Variants in SIM1 observed in about 807,000 individuals in gnomAD.
The protein encoded by SIM1 is single-minded homolog 1.
Under a neutral mutation model 78.2 loss-of-function variants are expected in SIM1, and 18 were observed. That is an observed-to-expected ratio of 0.23 (90% CI 0.16 to 0.34). The LOEUF (loss-of-function observed/expected upper bound fraction) is 0.34, where lower values mean the gene tolerates loss of function less well. Ranked by LOEUF, SIM1 falls within the 10% of genes least tolerant of loss-of-function variation. SIM1 has a pLI of 1.00. For synonymous variants in SIM1, 417 were observed against 385.2 expected, an observed-to-expected ratio of 1.08 and a Z score of -0.97; for missense variants, 939 against 975.1, an observed-to-expected ratio of 0.96 and a Z score of 0.49.
At chr6:100,391,285 C>A (rs1263148480) in intron 11 of SIM1, among the ~76,000 whole-genome samples, 194 bp from the exon 12 acceptor site, 5 of 152,180 alleles carry the variant, frequency 3.3e-5, no homozygotes, top group African/African-American at 1.2e-4. Context: ...GTACTGGATT[C>A]ATATAAAATC....
chr6:100,464,736 C>G lies in SIM1; in HGVS notation c.-590G>C, dbSNP rs997641703. ...TTCCCACCGGCAGAGAGGAGCAGAG[C>G]ATTCCCGGCTCCCTTTTCTGGATCA... On this transcript the variant is annotated 5_prime_UTR_variant, in exon 1 of 12. An upstream start codon of the reference 5' UTR is lost. Coordinates refer to ENST00000369208, the MANE Select transcript of SIM1 (RefSeq NM_005068.3). 6.6e-6 allele frequency: 1 copy of G among 152,388 alleles called. No homozygotes were observed. The highest frequency in any genetic ancestry group is 2.4e-5 in the African/African-American group (1 of 41,468). The allele number at this position is 152,388 out of a possible 1,614,324, so 9.4% of individuals were successfully genotyped here. A position where few individuals can be genotyped will look rare whatever the true frequency, so the allele number is the denominator to read the frequency against.
At position 100,412,638 on chromosome 6, in the gene SIM1, AAAGAAAGAAAGAAAGAAAG is replaced by A. The variant is rs1562239798; in HGVS notation, c.1167+8133_1167+8151del. On this transcript the variant is annotated intron_variant, in intron 10 of 11. Coordinates refer to ENST00000369208, the MANE Select transcript of SIM1 (RefSeq NM_005068.3). The stretch of plus-strand genomic sequence containing the variant: ...AAAGAAAGAAGGAAAGAAAGAAAGA[AAAGAAAGAAAGAAAGAAAG>A]AGAGAGAGAGAGAGAGAAAGAAAGA... Among the ~76,000 whole-genome samples, 37 of 91,322 alleles carry A rather than the reference AAAGAAAGAAAGAAAGAAAG, an allele frequency of 4.1e-4. 1 individual carries two copies. Among genetic ancestry groups the A allele is most frequent in the African/African-American group, 1.5e-3 (35 of 23,876 alleles). The allele number at this position is 91,322 out of a possible 152,430, so 59.9% of individuals were successfully genotyped here.
At chr6:100,456,592 G>A (rs868756372) in intron 2 of SIM1, among the ~76,000 whole-genome samples, 4 of 152,186 alleles carry the variant, frequency 2.6e-5, no homozygotes, top group Middle Eastern at 3.2e-3. Context: ...TAAAGTGGCC[G>A]AAGACAAAGG....
intron 2 of SIM1, 195 bp downstream of exon 2, chr6:100,463,099 T>G: frequency 1.9e-6 from 1 of 524,510 alleles, no homozygotes; most frequent in South Asian, 3.2e-5. Flanking sequence ...GATGGGGAGG[T>G]AGAGGGAGCC....
chr6:100,415,999 T>C (rs1028135950), intron 10 of SIM1, among the ~76,000 whole-genome samples: 1 of 152,168 alleles, frequency 6.6e-6, no homozygotes, highest in African/African-American at 2.4e-5. Context: ...CTCAGGAGGA[T>C]GCCTGCAGCT....
chr6:100,412,741 AAG>A (rs1491415812), intron 10 of SIM1, among the ~76,000 whole-genome samples: 6 of 143,788 alleles, frequency 4.2e-5, no homozygotes, highest in Non-Finnish European at 6.1e-5. Flanking sequence ...GAAAGAAAGA[AAG>A]AAAGAAAGAA....
At chr6:100,426,474 G>A (rs181494074) in intron 9 of SIM1, among the ~76,000 whole-genome samples, 38 of 152,250 alleles carry the variant, frequency 2.5e-4, no homozygotes, top group Non-Finnish European at 3.5e-4. Flanking sequence ...CCAACATGCC[G>A]CATGGGAAGC....
At chr6:100,421,538 T>G (rs1245536655) in intron 9 of SIM1, among the ~76,000 whole-genome samples, 4 of 152,200 alleles carry the variant, frequency 2.6e-5, no homozygotes, top group African/African-American at 7.2e-5. Context: ...CACCAGACTT[T>G]GTGCTACAAT....
At chr6:100,394,086 C>T in intron 10 of SIM1, 197 bp from the exon 11 acceptor site, 1 of 489,414 alleles carries the variant, frequency 2.0e-6, no homozygotes, top group Non-Finnish European at 3.5e-6. Context: ...CATTATGATG[C>T]TTCCAAAGAA....
intron 10 of SIM1, among the ~76,000 whole-genome samples, chr6:100,414,182 G>T (rs760245075): frequency 2.5e-4 from 38 of 152,212 alleles, no homozygotes; most frequent in Middle Eastern, 3.2e-3. Flanking sequence ...GAAGCCAACA[G>T]TCCCTGGACA....
intron 9 of SIM1, among the ~76,000 whole-genome samples, chr6:100,439,980 G>A (rs1252453239): frequency 1.3e-5 from 2 of 152,164 alleles, no homozygotes; most frequent in Non-Finnish European, 2.9e-5. Context: ...TGTGTTAAGG[G>A]ATAGGGGAGG....
intron 9 of SIM1, among the ~76,000 whole-genome samples, chr6:100,444,950 T>C (rs1029905276): frequency 8.5e-5 from 13 of 152,156 alleles, no homozygotes; most frequent in African/African-American, 3.1e-4. Flanking sequence ...TGTCAAACTA[T>C]TTGGGAGCTT....
At chr6:100,451,526 ATTTG>A (rs1772513074) in intron 3 of SIM1, among the ~76,000 whole-genome samples, 1 of 152,172 alleles carries the variant, frequency 6.6e-6, no homozygotes, top group South Asian at 2.1e-4. Context: ...TAGATGTGGC[ATTTG>A]TTTAATTTTA....
At chr6:100,459,519 C>G (rs1772780068) in intron 2 of SIM1, among the ~76,000 whole-genome samples, 1 of 152,166 alleles carries the variant, frequency 6.6e-6, no homozygotes, top group Non-Finnish European at 1.5e-5. Context: ...CTTAAATCAC[C>G]GACCCACGTG....
At chr6:100,427,606 T>C (rs934743784) in intron 9 of SIM1, among the ~76,000 whole-genome samples, 2 of 152,232 alleles carry the variant, frequency 1.3e-5, no homozygotes, top group African/African-American at 4.8e-5. Flanking sequence ...GAAATGTTGA[T>C]ATGTGGCAAA....
chr6:100,430,051 A>G (rs1191682860), intron 9 of SIM1, among the ~76,000 whole-genome samples: 3 of 152,190 alleles, frequency 2.0e-5, no homozygotes. Flanking sequence ...TTAGGAGAAT[A>G]TAATTTAAAT....
rs1024222657 is a variant in SIM1, at chr6:100,447,320, T to A, written c.946A>T (p.Asn316Tyr). The change falls in exon 9 of 12, where the codon AAC becomes TAC. Residue 316 changes from asparagine (N) to tyrosine (Y), a missense_variant. Asn to Tyr is a moderately radical substitution (Grantham distance 143). This residue lies in a region of SIM1 where 66 missense variants were observed against 108.4 expected (regional missense o/e 0.61). Coordinates refer to ENST00000369208, the MANE Select transcript of SIM1 (RefSeq NM_005068.3). Reference sequence around the variant, plus strand: ...CAGTGTGGCCTGGAGGAGCGACTGTTGTGCACGATGGTCGCGTAGCTCTGC... The same window carrying A: ...CAGTGTGGCCTGGAGGAGCGACTGTAGTGCACGATGGTCGCGTAGCTCTGC... ...WVQSYATIVH[N>Y]SRSSRPHCIV... 1 of 1,614,092 alleles carries A rather than the reference T, an allele frequency of 6.2e-7. No homozygotes were observed. Among genetic ancestry groups the A allele is most frequent in the Non-Finnish European group, 8.5e-7 (1 of 1,180,046 alleles).
At chr6:100,448,406 A>T in intron 7 of SIM1, 73 bp downstream of exon 7, 1 of 1,506,706 alleles carries the variant, frequency 6.6e-7, no homozygotes, top group Middle Eastern at 2.1e-4. Context: ...CATAGGATAG[A>T]CGGAAATCTC....
intron 11 of SIM1, among the ~76,000 whole-genome samples, chr6:100,391,749 T>C (rs940195308): frequency 6.6e-6 from 1 of 152,214 alleles, no homozygotes; most frequent in Non-Finnish European, 1.5e-5. Context: ...TGGATATAAC[T>C]GAAGATTATA....
Sources: gnomAD v4.1 joint callset for allele counts (sites outside exome capture counted in the v4.1 genomes callset) on GRCh38, gnomAD v4.1.1 for gene constraint, gnomAD v4.1.1 regional missense constraint, MANE v1.5 for transcripts, NCBI Gene and HGNC (gene_info 2026-07-23, HGNC 2026-07-21) for gene names.